GALNT17: variants seen among roughly 807,000 people sequenced by gnomAD.
GALNT17 encodes the protein polypeptide N-acetylgalactosaminyltransferase 17.
In GALNT17, 29 loss-of-function variants were observed where a neutral mutation model predicts 63.7. The ratio of observed to expected loss-of-function variants is 0.46; its 90% CI spans 0.34 to 0.62. The LOEUF (loss-of-function observed/expected upper bound fraction) is 0.62. Ranked by LOEUF, GALNT17 falls within the 20% of genes least tolerant of loss-of-function variation. The pLI, the probability that GALNT17 is intolerant of heterozygous loss-of-function variation, is 0.01. For missense variants in GALNT17, 603 were observed against 799.6 expected, an observed-to-expected ratio of 0.75 and a Z score of 2.97; for synonymous variants, 305 against 318.3, an observed-to-expected ratio of 0.96 and a Z score of 0.45.
At chr7:71,534,658 G>C (rs1386004907) in intron 5 of GALNT17, among the ~76,000 whole-genome samples, 1 of 149,896 alleles carries the variant, frequency 6.7e-6, no homozygotes, top group Admixed American at 6.6e-5. Flanking sequence ...CACAAGAACA[G>C]CATGGAGGTA....
At chr7:71,368,928 G>C (rs1005067208) in intron 2 of GALNT17, among the ~76,000 whole-genome samples, 4 of 147,616 alleles carry the variant, frequency 2.7e-5, no homozygotes, top group Admixed American at 2.0e-4. Flanking sequence ...GGGTGGGGGG[G>C]GGTGTTCCTC....
At chr7:71,298,458 T>C (rs1791123907) in intron 1 of GALNT17, among the ~76,000 whole-genome samples, 1 of 152,220 alleles carries the variant, frequency 6.6e-6, no homozygotes, top group South Asian at 2.1e-4. Flanking sequence ...GTATGATTTT[T>C]AAAACGCAGG....
chr7:71,683,641 T>C (rs137978306), intron 9 of GALNT17, among the ~76,000 whole-genome samples: 1,770 of 152,300 alleles, frequency 0.012, 40 homozygotes, highest in Admixed American at 0.031. Flanking sequence ...TCTGTCGCCT[T>C]GGTTTTGGCT....
chr7:71,501,160 G>A (rs911294260), intron 5 of GALNT17, among the ~76,000 whole-genome samples: 1 of 151,904 alleles, frequency 6.6e-6, no homozygotes, highest in Non-Finnish European at 1.5e-5. Flanking sequence ...GTAGAGGCAG[G>A]GTTTTCTCAT....
At chr7:71,217,607 C>T (rs1789508804) in intron 1 of GALNT17, among the ~76,000 whole-genome samples, 1 of 151,770 alleles carries the variant, frequency 6.6e-6, no homozygotes, top group South Asian at 2.1e-4. Context: ...TAAAGAAGTA[C>T]CTAAGTCATG....
At chr7:71,335,244 G>C (rs995521769) in intron 1 of GALNT17, among the ~76,000 whole-genome samples, 1 of 152,100 alleles carries the variant, frequency 6.6e-6, no homozygotes, top group Admixed American at 6.6e-5. Flanking sequence ...AGATTCTCCT[G>C]CCTCAGCCTC....
intron 2 of GALNT17, among the ~76,000 whole-genome samples, chr7:71,345,867 A>G (rs1792082093): frequency 1.3e-5 from 2 of 151,826 alleles, no homozygotes; most frequent in Admixed American, 6.6e-5. Context: ...GTTTTTATAT[A>G]GGGTGAAAGT....
chr7:71,171,178 G>A (rs544834464), intron 1 of GALNT17, among the ~76,000 whole-genome samples: 1 of 152,268 alleles, frequency 6.6e-6, no homozygotes, highest in South Asian at 2.1e-4. Flanking sequence ...TATCAGTGTT[G>A]TTCAGTTTTC....
intron 1 of GALNT17, among the ~76,000 whole-genome samples, chr7:71,260,238 T>A (rs1790361651): frequency 6.6e-6 from 1 of 152,126 alleles, no homozygotes. Flanking sequence ...TCAAGGAACT[T>A]CTTCCTCTTG....
chr7:71,523,148 A>G (rs1190610062), intron 5 of GALNT17, among the ~76,000 whole-genome samples: 1 of 152,254 alleles, frequency 6.6e-6, no homozygotes, highest in Non-Finnish European at 1.5e-5. Flanking sequence ...TTTAGGAGCC[A>G]GGTGCAGTGG....
At chr7:71,169,149 T>G (rs1284428631) in intron 1 of GALNT17, among the ~76,000 whole-genome samples, 1 of 152,186 alleles carries the variant, frequency 6.6e-6, no homozygotes, top group Non-Finnish European at 1.5e-5. Context: ...TCTGTGCAGC[T>G]TTCTCCTCCA....
chr7:71,682,670 A>G (rs1258098246), intron 9 of GALNT17, among the ~76,000 whole-genome samples: 1 of 151,908 alleles, frequency 6.6e-6, no homozygotes, highest in Non-Finnish European at 1.5e-5. Context: ...TCGGCCTCTC[A>G]AGTAGCTGGG....
chr7:71,587,812 G>A (rs1045600781), intron 6 of GALNT17, among the ~76,000 whole-genome samples: 1 of 152,038 alleles, frequency 6.6e-6, no homozygotes, highest in African/African-American at 2.4e-5. Flanking sequence ...CCACATGCCG[G>A]GAAAAATACT....
intron 6 of GALNT17, among the ~76,000 whole-genome samples, chr7:71,588,812 G>A (rs765915206): frequency 1.1e-4 from 16 of 152,072 alleles, no homozygotes; most frequent in East Asian, 5.8e-4. Flanking sequence ...CTGGAAGCTC[G>A]GTGATTACTA....
intron 5 of GALNT17, among the ~76,000 whole-genome samples, chr7:71,544,850 G>T (rs75877429): frequency 6.8e-6 from 1 of 147,056 alleles, no homozygotes. Context: ...CTGAGCTTTA[G>T]TTTTTTTTTT....
At chr7:71,541,191 C>A (rs1751325504) in intron 5 of GALNT17, among the ~76,000 whole-genome samples, 1 of 151,206 alleles carries the variant, frequency 6.6e-6, no homozygotes, top group Non-Finnish European at 1.5e-5. Context: ...TTGCAGTGAG[C>A]AGAGATCGTG....
intron 1 of GALNT17, among the ~76,000 whole-genome samples, chr7:71,182,633 C>T (rs1788755134): frequency 6.6e-6 from 1 of 152,082 alleles, no homozygotes; most frequent in South Asian, 2.1e-4. Context: ...TCTCAGGTAA[C>T]ATTTTGAGAA....
intron 5 of GALNT17, among the ~76,000 whole-genome samples, chr7:71,473,787 A>G (rs1787680588): frequency 6.6e-6 from 1 of 152,158 alleles, no homozygotes; most frequent in South Asian, 2.1e-4. Context: ...ACTCAATTTT[A>G]TAATCTGTAA....
chr7:71,666,873 C>A (rs370679779), intron 7 of GALNT17, among the ~76,000 whole-genome samples: 1 of 152,118 alleles, frequency 6.6e-6, no homozygotes, highest in Admixed American at 6.6e-5. Flanking sequence ...TTGGTTGAAC[C>A]GATGGATGCA....
Sources: gnomAD v4.1 joint callset for allele counts (sites outside exome capture counted in the v4.1 genomes callset) on GRCh38, gnomAD v4.1.1 for gene constraint, MANE v1.5 for transcripts, NCBI Gene and HGNC (gene_info 2026-07-23, HGNC 2026-07-21) for gene names.